The following ARHGEF12 variants were observed in gnomAD, a reference collection of about 807,000 sequenced individuals.
The protein encoded by ARHGEF12 is KMT2A/ARHGEF12 fusion protein.
Under a neutral mutation model 211.2 loss-of-function variants are expected in ARHGEF12, and 66 were observed. The observed-to-expected ratio is 0.31, with a 90% CI of 0.26 to 0.38. The LOEUF is 0.38. Among genes scored for constraint, ARHGEF12 ranks in the 10% least tolerant of loss-of-function variants. ARHGEF12 has a pLI of 1.00. For missense variants in ARHGEF12, 1,429 were observed against 1,869.5 expected (o/e 0.76, Z 4.34); for synonymous variants, 592 against 638.4 (o/e 0.93, Z 1.09).
intron 1 of ARHGEF12, among the ~76,000 whole-genome samples, chr11:120,394,497 A>G (rs1048806231): frequency 6.6e-6 from 1 of 151,446 alleles, no homozygotes; most frequent in African/African-American, 2.4e-5. Flanking sequence ...TACCTGACCA[A>G]TTTCATTTTA....
chr11:120,337,489 G>A (rs1382031606), intron 1 of ARHGEF12: 2 of 985,266 alleles, frequency 2.0e-6, no homozygotes, highest in Non-Finnish European at 2.4e-6. Flanking sequence ...CTTCCCTTCC[G>A]ATTCTCAGAG....
At chr11:120,428,702 A>C (rs1020175702) in intron 8 of ARHGEF12, among the ~76,000 whole-genome samples, 1 of 152,186 alleles carries the variant, frequency 6.6e-6, no homozygotes, top group African/African-American at 2.4e-5. Flanking sequence ...TGAGGGCAAA[A>C]AAAATGCTAA....
chr11:120,449,290 G>A lies in ARHGEF12; in HGVS notation c.1843+76G>A, dbSNP rs1383107236. The A allele has an allele frequency of 1.6e-5, 19 of 1,169,496 alleles. No homozygotes were observed. The East Asian group carries it at 3.7e-4, about 23-fold the overall frequency. 72.4% of individuals were successfully genotyped at this position (1,169,496 alleles called of 1,614,324 possible). ...CATCAGAGGCTTCTTCAGCTAGAAT[G>A]AATTTCTGGAGAAAGGAGTTGTTAG... On this transcript the variant is annotated intron_variant, in intron 21 of 40. Coordinates refer to ENST00000397843, the MANE Select transcript of ARHGEF12 (RefSeq NM_015313.3).
chr11:120,474,191 G>A (rs1268221515), intron 31 of ARHGEF12, among the ~76,000 whole-genome samples: 4 of 152,112 alleles, frequency 2.6e-5, no homozygotes, highest in Non-Finnish European at 5.9e-5. Flanking sequence ...CTTTCTTATA[G>A]ACAAGCATAT....
intron 1 of ARHGEF12, among the ~76,000 whole-genome samples, chr11:120,403,233 G>A (rs1219711335): frequency 4.6e-5 from 7 of 152,168 alleles, no homozygotes; most frequent in East Asian, 1.9e-4. Flanking sequence ...CAGGCCAGGC[G>A]CGGCGGCTCA....
At chr11:120,338,716 T>G (rs558648553) in intron 1 of ARHGEF12, among the ~76,000 whole-genome samples, 44 of 152,344 alleles carry the variant, frequency 2.9e-4, no homozygotes, top group African/African-American at 1.0e-3. Context: ...TTCTCGCTCT[T>G]TCTGTTGAGC....
At chr11:120,384,928 T>A (rs1056820037) in intron 1 of ARHGEF12, among the ~76,000 whole-genome samples, 5 of 151,870 alleles carry the variant, frequency 3.3e-5, no homozygotes, top group Admixed American at 2.0e-4. Flanking sequence ...TATCTGGCTT[T>A]AGGAAAAGGA....
chr11:120,377,761 T>C (rs1384013448), intron 1 of ARHGEF12, among the ~76,000 whole-genome samples: 2 of 152,218 alleles, frequency 1.3e-5, no homozygotes, highest in Non-Finnish European at 2.9e-5. Flanking sequence ...TCTTTATCCA[T>C]TGACCTGTTG....
At chr11:120,465,137 A>C in intron 27 of ARHGEF12, 100 bp from the exon 28 acceptor site, 1 of 1,473,890 alleles carries the variant, frequency 6.8e-7, no homozygotes, top group South Asian at 1.2e-5. Flanking sequence ...GTATTTTGTC[A>C]CTTGAAATAT....
At chr11:120,406,919 C>T (rs1182514789) in intron 2 of ARHGEF12, among the ~76,000 whole-genome samples, 1 of 152,214 alleles carries the variant, frequency 6.6e-6, no homozygotes, top group Non-Finnish European at 1.5e-5. Context: ...GTATCTATGC[C>T]TATATCCATG....
At chr11:120,355,167 C>T (rs960952233) in intron 1 of ARHGEF12, among the ~76,000 whole-genome samples, 18 of 152,084 alleles carry the variant, frequency 1.2e-4, no homozygotes, top group Non-Finnish European at 1.6e-4. Flanking sequence ...GGAAAGCAAC[C>T]GGTTCACAGT....
At chr11:120,440,403 C>T (rs1945835095) in intron 13 of ARHGEF12, among the ~76,000 whole-genome samples, 182 bp downstream of exon 13, 1 of 152,076 alleles carries the variant, frequency 6.6e-6, no homozygotes, top group Admixed American at 6.5e-5. Context: ...AATGACCTTG[C>T]TTTTAAAGCC....
At chr11:120,484,751 A>G (rs1167652020) in intron 40 of ARHGEF12, among the ~76,000 whole-genome samples, 1 of 152,174 alleles carries the variant, frequency 6.6e-6, no homozygotes, top group Non-Finnish European at 1.5e-5. Flanking sequence ...TCACCTTTTC[A>G]AAGCAGAAGG....
At position 120,477,640 on chromosome 11, in the gene ARHGEF12, G is replaced by T. The variant is rs754935175; in HGVS notation, c.3532+114G>T. On this transcript the variant is annotated intron_variant, in intron 36 of 40. Coordinates refer to ENST00000397843, the MANE Select transcript of ARHGEF12 (RefSeq NM_015313.3). ...AGTGCTTTGGGAGGTCGAGATAGGC[G>T]TATCACCTGAGGCCAGGAGTTAGAG... 7 of 933,540 alleles carry T rather than the reference G, an allele frequency of 7.5e-6. 1 individual carries two copies. The South Asian group carries it at 9.6e-5, about 13-fold the overall frequency. The allele number at this position is 933,540 out of a possible 1,614,324, so 57.8% of individuals were successfully genotyped here.
At chr11:120,354,602 T>A (rs1188919857) in intron 1 of ARHGEF12, among the ~76,000 whole-genome samples, 4 of 152,246 alleles carry the variant, frequency 2.6e-5, no homozygotes, top group Admixed American at 2.0e-4. Flanking sequence ...GGTGTGTTGT[T>A]TTTTAACCCT....
chr11:120,471,384 A>G (rs1194466675), intron 30 of ARHGEF12, among the ~76,000 whole-genome samples: 2 of 152,230 alleles, frequency 1.3e-5, no homozygotes, highest in Non-Finnish European at 2.9e-5. Context: ...TTCCATTTAT[A>G]TGAACTTCTA....
chr11:120,384,947 A>G (rs528901893), intron 1 of ARHGEF12, among the ~76,000 whole-genome samples: 3 of 151,836 alleles, frequency 2.0e-5, no homozygotes, highest in Non-Finnish European at 2.9e-5. Context: ...GAGCAGTAAC[A>G]ACAACCGAAT....
At chr11:120,393,563 A>G (rs1447140596) in intron 1 of ARHGEF12, among the ~76,000 whole-genome samples, 2 of 152,226 alleles carry the variant, frequency 1.3e-5, no homozygotes, top group African/African-American at 2.4e-5. Flanking sequence ...ATTATAGAAT[A>G]TCAACAGGGA....
intron 1 of ARHGEF12, among the ~76,000 whole-genome samples, chr11:120,368,319 G>A (rs1565432791): frequency 6.6e-6 from 1 of 152,190 alleles, no homozygotes; most frequent in South Asian, 2.1e-4. Context: ...TTTTTAATTC[G>A]TTTATAGAGA....
Sources: gnomAD v4.1 joint callset for allele counts (sites outside exome capture counted in the v4.1 genomes callset) on GRCh38, gnomAD v4.1.1 for gene constraint, MANE v1.5 for transcripts, NCBI Gene and HGNC (gene_info 2026-07-23, HGNC 2026-07-21) for gene names.